The following ARHGEF10L variants were observed in gnomAD, a reference collection of about 807,000 sequenced individuals.
ARHGEF10L encodes Rho guanine nucleotide exchange factor 10 like.
ARHGEF10L carries 69 observed loss-of-function variants against 141.2 expected under a neutral mutation model. That is an observed-to-expected ratio of 0.49 (90% CI 0.40 to 0.60). The LOEUF (loss-of-function observed/expected upper bound fraction) is 0.60. ARHGEF10L is among the 20% of genes least tolerant of loss of function. The probability of loss-of-function intolerance (pLI) is 0.00; values close to 1 mark genes in which losing one functional copy is unlikely to be tolerated. For missense variants in ARHGEF10L, 1,482 were observed against 1,734.3 expected (o/e 0.85, Z 2.58); for synonymous variants, 711 against 718.5 (o/e 0.99, Z 0.17).
intron 4 of ARHGEF10L, among the ~76,000 whole-genome samples, chr1:17,599,416 G>T (rs965666318): frequency 1.3e-5 from 2 of 152,114 alleles, no homozygotes; most frequent in Non-Finnish European, 2.9e-5. Context: ...CTTTGTCACG[G>T]TCACTGTCAT....
chr1:17,516,314 C>T, the ARHGEF10L span, among the ~76,000 whole-genome samples: 3 of 152,264 alleles, frequency 2.0e-5, no homozygotes, highest in South Asian at 2.1e-4. Flanking sequence ...AATATTCAGC[C>T]CCTCCTTTGC....
intron 1 of ARHGEF10L, among the ~76,000 whole-genome samples, chr1:17,571,813 C>T (rs2078013555): frequency 6.6e-6 from 1 of 152,194 alleles, no homozygotes; most frequent in Non-Finnish European, 1.5e-5. Flanking sequence ...GGATTATAGG[C>T]ATGAACCACC....
intron 2 of ARHGEF10L, among the ~76,000 whole-genome samples, chr1:17,585,008 G>A (rs1236298950): frequency 6.6e-6 from 1 of 152,200 alleles, no homozygotes; most frequent in East Asian, 1.9e-4. Context: ...AATACCAAAT[G>A]TATTTTATTT....
At chr1:17,561,130 T>C (rs1012046138) in intron 1 of ARHGEF10L, among the ~76,000 whole-genome samples, 4 of 152,184 alleles carry the variant, frequency 2.6e-5, no homozygotes, top group Non-Finnish European at 4.4e-5. Context: ...TGAGATGGTG[T>C]CTGCAAAGCT....
At chr1:17,659,076 G>A (rs1404953857) in intron 25 of ARHGEF10L, among the ~76,000 whole-genome samples, 2 of 152,224 alleles carry the variant, frequency 1.3e-5, no homozygotes, top group Non-Finnish European at 2.9e-5. Context: ...GCTCCAACTT[G>A]TCTCAGTGTG....
the ARHGEF10L span, among the ~76,000 whole-genome samples, chr1:17,515,584 G>A: frequency 6.6e-6 from 1 of 152,108 alleles, no homozygotes; most frequent in African/African-American, 2.4e-5. Flanking sequence ...ACAGGCTGAA[G>A]CCACTGTGCC....
chr1:17,656,312 A>G lies in ARHGEF10L; in HGVS notation c.2705+210A>G, dbSNP rs113764125. Among the ~76,000 whole-genome samples the G allele has an allele frequency of 0.025, 3,802 of 152,240 alleles. 159 individuals are homozygous for G. The highest frequency in any genetic ancestry group is 0.087 in the African/African-American group (3,603 of 41,526). On this transcript the variant is annotated intron_variant, in intron 24 of 28. Coordinates refer to ENST00000361221, the MANE Select transcript of ARHGEF10L (RefSeq NM_018125.4). The surrounding 1 kb of genome is among the most constrained non-coding windows in gnomAD (Gnocchi z 4.9). The stretch of plus-strand genomic sequence containing the variant: ...AGTTGCCTGGCTCCTCCCAGGCAGA[A>G]TGGCTGGCTCTTTTGCCTCCCTGAG...
intron 21 of ARHGEF10L, 53 bp downstream of exon 21, chr1:17,640,355 A>C: frequency 6.6e-7 from 1 of 1,504,790 alleles, no homozygotes; most frequent in African/African-American, 1.4e-5. Flanking sequence ...TGGAACGGGG[A>C]GGTTTGGGGT....
In ARHGEF10L at chr1:17,607,672, AGCCCCAG is replaced by A; in HGVS notation, c.434-128_434-122del. Reference sequence around the variant, plus strand: ...TTCATGGTTGAGGAGGTAGAGCTGGAGCCCCAGGGCCCCCATGTTCTCCCTGACCCCC... The same window carrying A: ...TTCATGGTTGAGGAGGTAGAGCTGGAGGCCCCCATGTTCTCCCTGACCCCC... On this transcript the variant is annotated intron_variant, in intron 6 of 28. Coordinates refer to ENST00000361221, the MANE Select transcript of ARHGEF10L (RefSeq NM_018125.4). This position sits in a 1 kb window ranked among gnomAD's most constrained non-coding sequence, Gnocchi z 4.5. The A allele has an allele frequency of 1.1e-6, 1 of 878,178 alleles. No homozygotes were observed. The highest frequency in any genetic ancestry group is 2.3e-5 in the South Asian group (1 of 43,704). The allele number at this position is 878,178 out of a possible 1,614,324, so 54.4% of individuals were successfully genotyped here.
intron 27 of ARHGEF10L, among the ~76,000 whole-genome samples, chr1:17,688,507 C>T (rs965206098): frequency 2.6e-5 from 4 of 152,372 alleles, no homozygotes; most frequent in African/African-American, 9.6e-5. Flanking sequence ...CAGCTTCCCC[C>T]AGAGAGACTG....
intron 16 of ARHGEF10L, among the ~76,000 whole-genome samples, chr1:17,634,015 C>T (rs984690469): frequency 6.6e-6 from 1 of 152,202 alleles, no homozygotes; most frequent in Non-Finnish European, 1.5e-5. Context: ...CAGCCCCTGC[C>T]TCCGGGAGCT....
intron 28 of ARHGEF10L, among the ~76,000 whole-genome samples, chr1:17,695,643 G>C (rs1435006118): frequency 1.3e-5 from 2 of 152,190 alleles, no homozygotes; most frequent in African/African-American, 2.4e-5. Context: ...GGCCAGGCCC[G>C]GCCTGCTCGT....
rs186226631 is a variant in ARHGEF10L at position 17,566,962 on chromosome 1, C to T, written c.-43-13591C>T. ...CTTAAAAGTCCCCAGAGTGAGGGAGCGGGGTCTGGAGACCTTGGCTCTGAC... is the reference window on the plus strand; with the variant it reads ...CTTAAAAGTCCCCAGAGTGAGGGAGTGGGGTCTGGAGACCTTGGCTCTGAC... On this transcript the variant is annotated intron_variant, in intron 1 of 28. Transcript: ENST00000361221. 3.3e-5 allele frequency among the ~76,000 whole-genome samples: 5 copies of T among 152,260 alleles called. No homozygotes were observed. In the East Asian group the frequency reaches 7.7e-4, roughly 24 times the overall value.
At chr1:17,692,982 A>G (rs1279648954) in intron 27 of ARHGEF10L, among the ~76,000 whole-genome samples, 1 of 151,746 alleles carries the variant, frequency 6.6e-6, no homozygotes, top group Admixed American at 6.6e-5. Flanking sequence ...CTGCCTCCCT[A>G]TCCTTCCAGG....
intron 26 of ARHGEF10L, among the ~76,000 whole-genome samples, chr1:17,677,628 A>G (rs962774061): frequency 6.6e-6 from 1 of 152,200 alleles, no homozygotes; most frequent in Middle Eastern, 3.4e-3. Context: ...ACCACCATCC[A>G]CTTAATCTGT....
intron 25 of ARHGEF10L, among the ~76,000 whole-genome samples, chr1:17,659,446 C>T (rs1285017136): frequency 6.6e-6 from 1 of 152,224 alleles, no homozygotes; most frequent in Non-Finnish European, 1.5e-5. Context: ...GAATCATCCA[C>T]CTGGTCCGTG....
chr1:17,627,576 C>T lies in ARHGEF10L; in HGVS notation c.1584+73C>T. 3.9e-6 allele frequency: 6 copies of T among 1,527,224 alleles called. No homozygotes were observed. The highest frequency in any genetic ancestry group is 5.3e-6 in the Non-Finnish European group (6 of 1,130,346). The allele number at this position is 1,527,224 out of a possible 1,614,324, so 94.6% of individuals were successfully genotyped here. A position where few individuals can be genotyped will look rare whatever the true frequency, so the allele number is the denominator to read the frequency against. The stretch of plus-strand genomic sequence containing the variant: ...TGTGCTCCTGCCCGTGCCCCTGCCC[C>T]ACGCCACCCACACTAGGTGGCAGTG... On this transcript the variant is annotated intron_variant, in intron 15 of 28. Transcript: ENST00000361221. This position sits in a 1 kb window ranked among gnomAD's most constrained non-coding sequence, Gnocchi z 4.0.
the ARHGEF10L span, among the ~76,000 whole-genome samples, chr1:17,525,761 G>C: frequency 9.7e-3 from 1,478 of 152,090 alleles, 25 homozygotes; most frequent in African/African-American, 0.034. Flanking sequence ...CCAGCACTTT[G>C]GGGGGCTGAG....
chr1:17,594,571 C>T (rs1300423542), intron 4 of ARHGEF10L, among the ~76,000 whole-genome samples: 1 of 152,114 alleles, frequency 6.6e-6, no homozygotes, highest in Non-Finnish European at 1.5e-5. Flanking sequence ...TCTGCTCTGC[C>T]CCCTGGGTTC....
Sources: gnomAD v4.1 joint callset for allele counts (sites outside exome capture counted in the v4.1 genomes callset) on GRCh38, gnomAD v4.1.1 for gene constraint, Gnocchi (gnomAD v3.1) non-coding constraint, MANE v1.5 for transcripts, NCBI Gene and HGNC (gene_info 2026-07-23, HGNC 2026-07-21) for gene names.